GPC6: variants seen among roughly 807,000 people sequenced by gnomAD.
The protein encoded by GPC6 is glypican-6.
A neutral mutation model predicts 55.2 loss-of-function variants in GPC6; 14 were observed. The ratio of observed to expected loss-of-function variants is 0.25; its 90% CI spans 0.17 to 0.40. GPC6 has a LOEUF of 0.40. Ranked by LOEUF, GPC6 falls within the 10% of genes least tolerant of loss-of-function variation. The pLI is 1.00. For synonymous variants in GPC6, 278 were observed against 259.6 expected (o/e 1.07, Z -0.68); for missense variants, 641 against 708.5 (o/e 0.90, Z 1.08).
chr13:93,630,887 G>A (rs1408986474), intron 2 of GPC6, among the ~76,000 whole-genome samples: 1 of 152,092 alleles, frequency 6.6e-6, no homozygotes, highest in African/African-American at 2.4e-5. Context: ...ATATCTCAGA[G>A]TGTGACTGTA....
intron 2 of GPC6, among the ~76,000 whole-genome samples, chr13:93,795,948 G>A (rs986171515): frequency 6.6e-6 from 1 of 151,836 alleles, no homozygotes; most frequent in Non-Finnish European, 1.5e-5. Flanking sequence ...GGTGGCACAC[G>A]CCTGTAGTCC....
chr13:93,281,747 C>T (rs948649912), intron 1 of GPC6, among the ~76,000 whole-genome samples: 1 of 152,072 alleles, frequency 6.6e-6, no homozygotes, highest in Non-Finnish European at 1.5e-5. Context: ...ATCTGGGAGG[C>T]GGAGGTTGTG....
At chr13:94,023,068 A>G (rs1390496631) in intron 3 of GPC6, among the ~76,000 whole-genome samples, 2 of 152,060 alleles carry the variant, frequency 1.3e-5, no homozygotes, top group Non-Finnish European at 2.9e-5. Flanking sequence ...CACATTACCA[A>G]CTAAAAAAAT....
intron 1 of GPC6, among the ~76,000 whole-genome samples, chr13:93,528,134 G>T (rs2139409179): frequency 6.6e-6 from 1 of 152,234 alleles, no homozygotes. Flanking sequence ...CTAGTTTACA[G>T]CTCTTGGGCT....
chr13:93,445,303 C>T (rs1320181719), intron 1 of GPC6, among the ~76,000 whole-genome samples: 2 of 152,142 alleles, frequency 1.3e-5, no homozygotes, highest in Non-Finnish European at 2.9e-5. Flanking sequence ...CATGTAACCT[C>T]ATTTTCTATA....
At chr13:94,257,214 A>C (rs1050250227) in intron 4 of GPC6, among the ~76,000 whole-genome samples, 1 of 152,214 alleles carries the variant, frequency 6.6e-6, no homozygotes, top group Non-Finnish European at 1.5e-5. Context: ...CCTGAATGAC[A>C]AAAAATCAAC....
intron 2 of GPC6, among the ~76,000 whole-genome samples, chr13:93,643,264 C>G (rs1369976003): frequency 6.6e-6 from 1 of 152,082 alleles, no homozygotes; most frequent in Non-Finnish European, 1.5e-5. Flanking sequence ...AGACTTCAAA[C>G]AAATCTCTTC....
chr13:93,287,366 C>A (rs901689532), intron 1 of GPC6, among the ~76,000 whole-genome samples: 55 of 152,174 alleles, frequency 3.6e-4, no homozygotes, highest in African/African-American at 1.2e-3. Context: ...CATTGGCCAC[C>A]AAGGAGTGTG....
chr13:94,189,162 C>T (rs1472879830), intron 4 of GPC6, among the ~76,000 whole-genome samples: 2 of 152,008 alleles, frequency 1.3e-5, no homozygotes, highest in Non-Finnish European at 2.9e-5. Flanking sequence ...CAGGTGGTGG[C>T]GGATGTTTTC....
chr13:93,528,014 T>C (rs550351292), intron 1 of GPC6, among the ~76,000 whole-genome samples: 16 of 152,276 alleles, frequency 1.1e-4, no homozygotes, highest in Admixed American at 3.3e-4. Context: ...AATTGCACTA[T>C]TTTATAGGGA....
chr13:93,582,903 T>C (rs3843687), intron 2 of GPC6, among the ~76,000 whole-genome samples: 138,070 of 152,304 alleles, frequency 0.91, 62,804 homozygotes, highest in African/African-American at 0.98. Context: ...GAGACAGTTG[T>C]GCAGTTTTCC....
rs532055015 is a variant in GPC6 at position 94,341,534 on chromosome 13, G to A, written c.1152+35411G>A. On this transcript the variant is annotated intron_variant, in intron 6 of 8. Transcript: ENST00000377047. ...GGGGAGGTGGAGGTTGCCGTGAGAC[G>A]AGATCACACCACTGCACTCCAGCCT... is the stretch of plus-strand genomic sequence containing the variant. Among the ~76,000 whole-genome samples, 47 of 146,932 alleles carry A rather than the reference G, an allele frequency of 3.2e-4. No individual in the cohort carries two copies. In the South Asian group the frequency reaches 9.2e-3, roughly 29 times the overall value.
intron 1 of GPC6, among the ~76,000 whole-genome samples, chr13:93,496,673 G>A (rs1399006956): frequency 6.6e-6 from 1 of 152,180 alleles, no homozygotes; most frequent in Admixed American, 6.5e-5. Flanking sequence ...GAGCCAGATT[G>A]TCTGGCTCTG....
chr13:93,632,282 T>A (rs1398036179), intron 2 of GPC6, among the ~76,000 whole-genome samples: 3 of 152,120 alleles, frequency 2.0e-5, no homozygotes, highest in Non-Finnish European at 4.4e-5. Context: ...AGAGTTGCTG[T>A]GTCTTTAACT....
chr13:93,988,234 TTGGAAAGTTTTGGGCTATTGTCA>T (rs1382153472), intron 3 of GPC6, among the ~76,000 whole-genome samples: 1 of 152,096 alleles, frequency 6.6e-6, no homozygotes, highest in Non-Finnish European at 1.5e-5. Context: ...AGACTTACAT[TTGGAAAGTTTTGGGCTATTGTCA>T]GGGTCTGTGA....
In GPC6 at chr13:94,063,013, A is replaced by G. The variant is rs193030696; in HGVS notation, c.877+35119A>G. On this transcript the variant is annotated intron_variant, in intron 4 of 8. Transcript: ENST00000377047. Reference sequence around the variant, plus strand: ...GCCGCTAGGCACGGGGTCAGGTGTCATTCTCCTGGGCGTTGGGTCACTATG... The same window carrying G: ...GCCGCTAGGCACGGGGTCAGGTGTCGTTCTCCTGGGCGTTGGGTCACTATG... Among the ~76,000 whole-genome samples the G allele has an allele frequency of 5.3e-4, 81 of 152,294 alleles. 1 individual carries two copies. Among genetic ancestry groups the G allele is most frequent in the Non-Finnish European group, 1.6e-4 (11 of 68,012 alleles).
chr13:94,086,483 A>G (rs1885287331), intron 4 of GPC6, among the ~76,000 whole-genome samples: 1 of 152,320 alleles, frequency 6.6e-6, no homozygotes, highest in Non-Finnish European at 1.5e-5. Flanking sequence ...TGACTAAAAA[A>G]AAAAAAATCT....
At chr13:93,695,339 T>G (rs1219208172) in intron 2 of GPC6, among the ~76,000 whole-genome samples, 1 of 152,088 alleles carries the variant, frequency 6.6e-6, no homozygotes, top group African/African-American at 2.4e-5. Context: ...TATTCCAACA[T>G]GTTATTTTTT....
intron 4 of GPC6, among the ~76,000 whole-genome samples, chr13:94,125,762 C>T (rs1010386911): frequency 9.9e-5 from 15 of 151,212 alleles, no homozygotes; most frequent in Admixed American, 9.9e-4. Context: ...ATGAAGTCAG[C>T]AAAGAAATGA....
Sources: gnomAD v4.1 joint callset for allele counts (sites outside exome capture counted in the v4.1 genomes callset) on GRCh38, gnomAD v4.1.1 for gene constraint, MANE v1.5 for transcripts, NCBI Gene and HGNC (gene_info 2026-07-23, HGNC 2026-07-21) for gene names.